DUT: variants seen among roughly 807,000 people sequenced by gnomAD.
DUT encodes deoxyuridine triphosphatase.
DUT carries 21 observed loss-of-function variants against 28.8 expected under a neutral mutation model. The ratio of observed to expected loss-of-function variants is 0.73; its 90% CI spans 0.52 to 1.05. The LOEUF is 1.05. Ranked by LOEUF, DUT falls within the 50% of genes least tolerant of loss-of-function variation. The probability of loss-of-function intolerance (pLI) is 0.00; values close to 1 mark genes in which losing one functional copy is unlikely to be tolerated. For synonymous variants in DUT, 147 were observed against 143.7 expected, an observed-to-expected ratio of 1.02 and a Z score of -0.17; for missense variants, 344 against 351.8, an observed-to-expected ratio of 0.98 and a Z score of 0.18.
intron 4 of DUT, among the ~76,000 whole-genome samples, chr15:48,338,076 A>C (rs990801511): frequency 1.3e-5 from 2 of 152,170 alleles, no homozygotes; most frequent in African/African-American, 4.8e-5. Flanking sequence ...TCTGAGGAGA[A>C]ATATCCCTGA....
rs2042412961 is a variant in DUT, at chr15:48,331,736, G to C, written c.221G>C (p.Gly74Ala). The change falls in exon 1 of 7, where the codon GGG (glycine) becomes GCG (alanine). Residue 74 changes from glycine to alanine, a missense_variant. Transcript: ENST00000331200. Reference sequence around the variant, plus strand: ...GGCTGCCGCGGAGCCAGTACAGTCGGGGCCGCTGGCTGGAAGGGCGAGCTT... The same window carrying C: ...GGCTGCCGCGGAGCCAGTACAGTCGCGGCCGCTGGCTGGAAGGGCGAGCTT... Reference protein sequence around the residue: ...SQGCRGASTVGAAGWKGELPK... With the variant: ...SQGCRGASTVAAAGWKGELPK... 1 of 1,443,676 alleles carries C rather than the reference G, an allele frequency of 6.9e-7. No homozygotes were observed. The highest frequency in any genetic ancestry group is 2.7e-5 in the Admixed American group (1 of 36,454). 89.4% of individuals were successfully genotyped at this position (1,443,676 alleles called of 1,614,324 possible). A position where few individuals can be genotyped will look rare whatever the true frequency, so the allele number is the denominator to read the frequency against.
chr15:48,331,663 C>A lies in DUT; in HGVS notation c.148C>A (p.Gln50Lys). The A allele has an allele frequency of 6.5e-7, 1 of 1,536,044 alleles. No individual in the cohort carries two copies. The highest frequency in any genetic ancestry group is 8.8e-7 in the Non-Finnish European group (1 of 1,141,136). The change falls in exon 1 of 7, where the codon CAG (glutamine) becomes AAG (lysine). Residue 50 changes from glutamine to lysine, a missense_variant. Physicochemically the swap from Gln to Lys is moderately conservative, Grantham distance 53. Transcript: ENST00000331200. ...GPGPPLGRAA[Q>K]HGIPRPLSSA... The stretch of plus-strand genomic sequence containing the variant: ...AGGCCCGCCCCTCGGCCGCGCCGCG[C>A]AGCACGGGATTCCCCGGCCGCTGTC...
chr15:48,338,569 T>A (rs959486612), intron 4 of DUT, among the ~76,000 whole-genome samples: 6 of 152,160 alleles, frequency 3.9e-5, no homozygotes, highest in Admixed American at 2.6e-4. Context: ...CATCAGGGAA[T>A]GAAAAGTAAG....
At chr15:48,334,748 G>A (rs982673828) in intron 3 of DUT, among the ~76,000 whole-genome samples, 8 of 152,160 alleles carry the variant, frequency 5.3e-5, no homozygotes, top group Non-Finnish European at 1.2e-4. Context: ...TGGCCTAGAA[G>A]GCTGTTCTCA....
Position 48,338,924 on chromosome 15 carries a change from C to T in DUT, c.557-2365C>T, listed in dbSNP as rs1386301651. Among the ~76,000 whole-genome samples, 4 of 152,222 alleles carry T rather than the reference C, an allele frequency of 2.6e-5. No individual in the cohort carries two copies. The East Asian group carries it at 7.7e-4, about 29-fold the overall frequency. ...GGCTGAGACAGGCAGATTGCTTGAGCCCAGGAGTTTGAGGCTTATTTGAGC... is the reference window on the plus strand; with the variant it reads ...GGCTGAGACAGGCAGATTGCTTGAGTCCAGGAGTTTGAGGCTTATTTGAGC... On this transcript the variant is annotated intron_variant, in intron 4 of 6. Coordinates refer to ENST00000331200, the MANE Select transcript of DUT (RefSeq NM_001025248.2).
At chr15:48,331,136 A>T (rs1317374338), upstream of DUT, 2 of 1,300,758 alleles carry the variant, frequency 1.5e-6, no homozygotes, top group Non-Finnish European at 2.0e-6. Flanking sequence ...TCCGGCGCTT[A>T]GGGCGCCGCT....
chr15:48,342,053 GT>G lies in DUT; in HGVS notation c.738del (p.Phe246LeufsTer23). On this transcript the variant is annotated frameshift_variant, in exon 7 of 7. Coordinates refer to ENST00000331200, the MANE Select transcript of DUT (RefSeq NM_001025248.2). LOFTEE classifies it high-confidence loss of function. Reference sequence around the variant, plus strand: ...GATGACACCGAAAGGGGTTCAGGAGGTTTTGGTTCCACTGGAAAGAATTAAA... The same window carrying G: ...GATGACACCGAAAGGGGTTCAGGAGGTTTGGTTCCACTGGAAAGAATTAAA... ...ALDDTERGSG[G>X]FGSTGKN 1.3e-6 allele frequency: 2 copies of G among 1,577,912 alleles called. No homozygotes were observed. Among genetic ancestry groups the G allele is most frequent in the Admixed American group, 1.8e-5 (1 of 54,102 alleles).
intron 2 of DUT, among the ~76,000 whole-genome samples, chr15:48,333,868 C>G (rs1197817400): frequency 6.6e-6 from 1 of 152,194 alleles, no homozygotes; most frequent in African/African-American, 2.4e-5. Context: ...TCCTTTCCTT[C>G]TGCATATTTT....
chr15:48,331,594 C>A lies in DUT; in HGVS notation c.79C>A (p.Arg27=). Residue 27 remains arginine, a synonymous_variant, in exon 1 of 7, where the codon CGA becomes AGA. Coordinates refer to ENST00000331200, the MANE Select transcript of DUT (RefSeq NM_001025248.2). ...GCTTCGCTCAGCGATGCAAAACGCGCGAGGCGCACGGCAGAGGGCCGAAGC... is the reference window on the plus strand; with the variant it reads ...GCTTCGCTCAGCGATGCAAAACGCGAGAGGCGCACGGCAGAGGGCCGAAGC... ...SLLRSAMQNA[R]GARQRAEAAV... 6.3e-7 allele frequency: 1 copy of A among 1,577,370 alleles called. No homozygotes were observed. The highest frequency in any genetic ancestry group is 2.4e-5 in the East Asian group (1 of 42,228).
chr15:48,331,731 A>C lies in DUT; in HGVS notation c.216A>C (p.Thr72=). ...RLSQGCRGAS[T]VGAAGWKGEL... ...GCCAAGGCTGCCGCGGAGCCAGTACAGTCGGGGCCGCTGGCTGGAAGGGCG... is the reference window on the plus strand; with the variant it reads ...GCCAAGGCTGCCGCGGAGCCAGTACCGTCGGGGCCGCTGGCTGGAAGGGCG... The change falls in exon 1 of 7, where the codon ACA becomes ACC. Residue 72 remains threonine, a synonymous_variant. Coordinates refer to ENST00000331200, the MANE Select transcript of DUT (RefSeq NM_001025248.2). 6.9e-7 allele frequency: 1 copy of C among 1,453,538 alleles called. No homozygotes were observed. Among genetic ancestry groups the C allele is most frequent in the Non-Finnish European group, 9.1e-7 (1 of 1,103,894 alleles). The allele number at this position is 1,453,538 out of a possible 1,614,324, so 90.0% of individuals were successfully genotyped here.
chr15:48,340,976 T>C (rs1034418958), intron 4 of DUT, among the ~76,000 whole-genome samples: 29 of 152,210 alleles, frequency 1.9e-4, no homozygotes, highest in African/African-American at 7.0e-4. Flanking sequence ...TCCTAGTCTT[T>C]TTGGCAAGTG....
rs2042414191 is a variant in DUT, at chr15:48,331,795, G to C, written c.280G>C (p.Glu94Gln). Reference protein sequence around the residue: ...KAGGSPAPGPETPAISPSKRA... With the variant: ...KAGGSPAPGPQTPAISPSKRA... ...GGGGGGAAGCCCGGCGCCGGGGCCG[G>C]GTAGGAAAGGCGGGGGAGGGGCTCC... The change falls in exon 1 of 7, where the codon GAG becomes CAG. Residue 94 changes from glutamate (E) to glutamine (Q), a missense_variant and splice_region_variant. Physicochemically the swap from Glu to Gln is conservative, Grantham distance 29. Coordinates refer to ENST00000331200, the MANE Select transcript of DUT (RefSeq NM_001025248.2). The C allele has an allele frequency of 1.2e-5, 17 of 1,371,094 alleles. No homozygotes were observed. The highest frequency in any genetic ancestry group is 3.7e-5 in the Admixed American group (1 of 27,338). 84.9% of individuals were successfully genotyped at this position (1,371,094 alleles called of 1,614,324 possible).
chr15:48,340,055 T>C (rs1170976688), intron 4 of DUT: 1 of 152,192 alleles, frequency 6.6e-6, no homozygotes, highest in Non-Finnish European at 1.5e-5. Flanking sequence ...TTCTCAGCTT[T>C]CAAATAATGA....
At chr15:48,332,172 T>C in intron 1 of DUT, 96 bp from the exon 2 acceptor site, 2 of 1,458,704 alleles carry the variant, frequency 1.4e-6, no homozygotes, top group Non-Finnish European at 1.8e-6. Context: ...ATTTCGGTTT[T>C]GGCGCGCTCC....
chr15:48,331,831 A>C, intron 1 of DUT, 36 bp downstream of exon 1: 1 of 1,140,478 alleles, frequency 8.8e-7, no homozygotes, highest in African/African-American at 1.8e-5. Context: ...GGCCGTCTGG[A>C]AGGAATCCAC....
At chr15:48,332,191 A>G (rs924929220) in intron 1 of DUT, 77 bp from the exon 2 acceptor site, 37 of 1,498,214 alleles carry the variant, frequency 2.5e-5, no homozygotes, top group Admixed American at 6.9e-5. Context: ...CCCTGCGGCG[A>G]CGCTCATCGT....
At chr15:48,334,391 G>T in intron 2 of DUT, 26 bp from the exon 3 acceptor site, 1 of 1,416,298 alleles carries the variant, frequency 7.1e-7, no homozygotes, top group Non-Finnish European at 9.7e-7. Flanking sequence ...TAGATTTGCA[G>T]TTATTTTCTT....
chr15:48,332,499 C>CT, intron 2 of DUT, 93 bp downstream of exon 2: 1 of 1,120,282 alleles, frequency 8.9e-7, no homozygotes, highest in African/African-American at 1.6e-5. Context: ...CAGGAACACA[C>CT]TAGCTATAAA....
In DUT at chr15:48,331,769, CG is replaced by C. The variant is rs1319818877; in HGVS notation, c.260del (p.Gly87GlufsTer68). 5.8e-6 allele frequency: 8 copies of C among 1,388,950 alleles called. No individual in the cohort carries two copies. Among genetic ancestry groups the C allele is most frequent in the Admixed American group, 3.4e-5 (1 of 29,350 alleles). 86.0% of individuals were successfully genotyped at this position (1,388,950 alleles called of 1,614,324 possible). A position where few individuals can be genotyped will look rare whatever the true frequency, so the allele number is the denominator to read the frequency against. On this transcript the variant is annotated frameshift_variant, in exon 1 of 7. Coordinates refer to ENST00000331200, the MANE Select transcript of DUT (RefSeq NM_001025248.2). LOFTEE classifies it high-confidence loss of function. The stretch of plus-strand genomic sequence containing the variant: ...GGCTGGAAGGGCGAGCTTCCTAAGG[CG>C]GGGGGAAGCCCGGCGCCGGGGCCGG... ...AAGWKGELPK[A>X]GGSPAPGPET... is the part of the protein sequence containing the mutation.
Sources: allele counts gnomAD v4.1 joint callset (sites outside exome capture counted in the v4.1 genomes callset), GRCh38; gene constraint gnomAD v4.1.1; transcripts MANE v1.5; gene names NCBI Gene and HGNC (gene_info 2026-07-23, HGNC 2026-07-21).